The following PHF21B variants were observed in gnomAD, a reference collection of about 807,000 sequenced individuals.
The protein encoded by PHF21B is PHD finger protein 4.
A neutral mutation model predicts 62.2 loss-of-function variants in PHF21B; 22 were observed. That is an observed-to-expected ratio of 0.35 (90% confidence interval 0.25 to 0.51). The LOEUF is 0.51. Ranked by LOEUF, PHF21B falls within the 20% of genes least tolerant of loss-of-function variation. The pLI, the probability that PHF21B is intolerant of heterozygous loss-of-function variation, is 0.97. For missense variants in PHF21B, 701 were observed against 707.9 expected, an observed-to-expected ratio of 0.99 and a Z score of 0.11; for synonymous variants, 341 against 314.7, an observed-to-expected ratio of 1.08 and a Z score of -0.88.
At chr22:44,946,258 G>C (rs2072068501) in intron 2 of PHF21B, among the ~76,000 whole-genome samples, 2 of 152,194 alleles carry the variant, frequency 1.3e-5, no homozygotes, top group South Asian at 4.2e-4. Flanking sequence ...AGACTAGAGA[G>C]GCTCCCTATC....
At chr22:44,899,059 C>T (rs377185451) in intron 5 of PHF21B, among the ~76,000 whole-genome samples, 6 of 152,110 alleles carry the variant, frequency 3.9e-5, no homozygotes, top group African/African-American at 1.4e-4. Flanking sequence ...TTTTAATATC[C>T]GGGAGGATTA....
chr22:44,998,232 G>C (rs1416857882), intron 2 of PHF21B, among the ~76,000 whole-genome samples: 1 of 152,198 alleles, frequency 6.6e-6, no homozygotes, highest in African/African-American at 2.4e-5. Flanking sequence ...AAACACCCAG[G>C]TGTCCTGAGG....
chr22:44,997,912 T>G (rs1429689810), intron 2 of PHF21B, among the ~76,000 whole-genome samples: 1 of 152,194 alleles, frequency 6.6e-6, no homozygotes, highest in Non-Finnish European at 1.5e-5. Flanking sequence ...TTGCCATCTC[T>G]CAGCTCCTTT....
chr22:44,920,673 A>T (rs1341701842), intron 2 of PHF21B, among the ~76,000 whole-genome samples, 183 bp from the exon 3 acceptor site: 1 of 152,254 alleles, frequency 6.6e-6, no homozygotes, highest in East Asian at 1.9e-4. Flanking sequence ...AAGTTTGGAA[A>T]CTAGAGAAAG....
intron 2 of PHF21B, among the ~76,000 whole-genome samples, chr22:44,965,860 C>G (rs988808277): frequency 6.6e-6 from 1 of 152,130 alleles, no homozygotes; most frequent in African/African-American, 2.4e-5. Context: ...AGCAGGGACT[C>G]CTAGGCACAG....
Position 44,916,600 on chromosome 22 carries a change from G to A in PHF21B, c.244C>T (p.Leu82Phe). ...CGGTCCCGGCCCGGGGCAACGGGGAGGCTGTCTGGAATCAGAGTCTTTGGC... is the reference window on the plus strand; with the variant it reads ...CGGTCCCGGCCCGGGGCAACGGGGAAGCTGTCTGGAATCAGAGTCTTTGGC... ...VRPKTLIPDS[L>F]PVAPGRDRPP... The change falls in exon 4 of 13, where the codon CTC becomes TTC. Residue 82 changes from leucine to phenylalanine, a missense_variant. Leu to Phe is a conservative substitution (Grantham distance 22, BLOSUM62 0). Transcript: ENST00000313237. 6.2e-7 allele frequency: 1 copy of A among 1,603,540 alleles called. No homozygotes were observed. The highest frequency in any genetic ancestry group is 8.5e-7 in the Non-Finnish European group (1 of 1,179,946).
chr22:44,938,144 G>A lies in PHF21B; in HGVS notation c.121-17654C>T, dbSNP rs184411410. Among the ~76,000 whole-genome samples the A allele has an allele frequency of 4.6e-5, 7 of 152,304 alleles. No homozygotes were observed. The East Asian group carries it at 7.7e-4, about 17-fold the overall frequency. On this transcript the variant is annotated intron_variant, in intron 2 of 12. Coordinates refer to ENST00000313237, the MANE Select transcript of PHF21B (RefSeq NM_138415.5). ...GGATGGAGTGTAGTACCTCGATCTC[G>A]GCTCACTGCAACCTCCACCTCCCAG...
At chr22:44,942,734 G>C (rs546778383) in intron 2 of PHF21B, among the ~76,000 whole-genome samples, 1 of 152,150 alleles carries the variant, frequency 6.6e-6, no homozygotes, top group Non-Finnish European at 1.5e-5. Flanking sequence ...GGGGAGCCAC[G>C]TGGAGGGCAG....
intron 2 of PHF21B, among the ~76,000 whole-genome samples, chr22:44,960,768 G>A (rs1372940721): frequency 6.6e-6 from 1 of 152,184 alleles, no homozygotes; most frequent in East Asian, 1.9e-4. Context: ...AAGTCCTGCT[G>A]TCTGCCTGCA....
At chr22:44,894,328 C>T (rs934362787) in intron 6 of PHF21B, among the ~76,000 whole-genome samples, 1 of 152,132 alleles carries the variant, frequency 6.6e-6, no homozygotes, top group Non-Finnish European at 1.5e-5. Context: ...ACGCACTTTT[C>T]GATCAGTCCC....
At chr22:44,964,929 C>T (rs2072495100) in intron 2 of PHF21B, among the ~76,000 whole-genome samples, 1 of 152,162 alleles carries the variant, frequency 6.6e-6, no homozygotes, top group Non-Finnish European at 1.5e-5. Context: ...ACCTTAACAT[C>T]TCTGAGCCTT....
At chr22:44,972,754 A>G (rs959343527) in intron 2 of PHF21B, among the ~76,000 whole-genome samples, 1 of 152,214 alleles carries the variant, frequency 6.6e-6, no homozygotes, top group Non-Finnish European at 1.5e-5. Context: ...TCCTAGGACA[A>G]ATAGGATTCT....
intron 12 of PHF21B, 96 bp downstream of exon 12, chr22:44,885,330 C>G (rs1420101597): frequency 5.0e-6 from 6 of 1,207,264 alleles, no homozygotes; most frequent in Non-Finnish European, 6.8e-6. Flanking sequence ...CAGCCTGGAT[C>G]TACACCTGTG....
chr22:44,973,654 A>T (rs1387620912), intron 2 of PHF21B, among the ~76,000 whole-genome samples: 1 of 151,884 alleles, frequency 6.6e-6, no homozygotes, highest in Non-Finnish European at 1.5e-5. Flanking sequence ...CTGGAGAAAA[A>T]TCCCACTGTG....
chr22:44,952,084 T>C (rs2072205779), intron 2 of PHF21B, among the ~76,000 whole-genome samples: 1 of 152,198 alleles, frequency 6.6e-6, no homozygotes, highest in South Asian at 2.1e-4. Context: ...GGCTCACACC[T>C]GTAATCCCAG....
intron 2 of PHF21B, among the ~76,000 whole-genome samples, chr22:44,930,223 C>G (rs894293989): frequency 6.6e-6 from 1 of 152,174 alleles, no homozygotes; most frequent in African/African-American, 2.4e-5. Context: ...CTGGGTCTAT[C>G]CCCAAGTCAT....
At chr22:44,949,738 C>T (rs890908577) in intron 2 of PHF21B, among the ~76,000 whole-genome samples, 2 of 152,170 alleles carry the variant, frequency 1.3e-5, no homozygotes, top group African/African-American at 2.4e-5. Context: ...GTGTGTACCG[C>T]GTCCATCTCC....
chr22:44,908,200 G>A (rs996271552), intron 5 of PHF21B, among the ~76,000 whole-genome samples: 1 of 152,140 alleles, frequency 6.6e-6, no homozygotes, highest in Non-Finnish European at 1.5e-5. Context: ...GAGGCTTCAC[G>A]GCATAGACTG....
chr22:45,008,701 C>G (rs2147556089), intron 1 of PHF21B, 91 bp from the exon 2 acceptor site: 1 of 1,209,366 alleles, frequency 8.3e-7, no homozygotes, highest in East Asian at 3.4e-5. Context: ...CGCCCGGAGC[C>G]CCACGGGCGG....
Sources: gnomAD v4.1 joint callset for allele counts (sites outside exome capture counted in the v4.1 genomes callset) on GRCh38, gnomAD v4.1.1 for gene constraint, MANE v1.5 for transcripts, NCBI Gene and HGNC (gene_info 2026-07-23, HGNC 2026-07-21) for gene names.